Variants in CKS2 observed in about 807,000 individuals in gnomAD.
The protein encoded by CKS2 is CDC28 protein kinase regulatory subunit 2, also known as cyclin-dependent kinases regulatory subunit 2.
Under a neutral mutation model 14.3 loss-of-function variants are expected in CKS2, and 4 were observed. The observed-to-expected ratio is 0.28, with a 90% confidence interval of 0.14 to 0.64. The LOEUF (loss-of-function observed/expected upper bound fraction) is 0.64, where lower values mean the gene tolerates loss of function less well. Among genes scored for constraint, CKS2 ranks in the 30% least tolerant of loss-of-function variants. The pLI is 0.83. For synonymous variants in CKS2, 33 were observed against 28.7 expected (o/e 1.15, Z -0.48); for missense variants, 71 against 94.3 (o/e 0.75, Z 1.02).
At chr9:89,311,488 G>C (rs1213097008) in intron 1 of CKS2, 137 bp downstream of exon 1, 2 of 582,860 alleles carry the variant, frequency 3.4e-6, no homozygotes, top group Non-Finnish European at 5.6e-6. Context: ...CGAGGGCCGG[G>C]GTTTGGGGTC....
At position 89,314,688 on chromosome 9, in the gene CKS2, C is replaced by A. The variant is rs3211680; in HGVS notation, c.60-482C>A. Among the ~76,000 whole-genome samples the A allele has an allele frequency of 6.9e-3, 1,043 of 152,220 alleles. 15 individuals carry two copies. The highest frequency in any genetic ancestry group is 0.024 in the African/African-American group (989 of 41,540). ...AGTCAAGGACTAGGCTGGGTCCTTA[C>A]CTCTTGTTGCTTTACCGTTCTCAAT... On this transcript the variant is annotated intron_variant, in intron 1 of 2. Transcript: ENST00000314355.
At chr9:89,315,411 G>T in intron 2 of CKS2, 114 bp downstream of exon 2, 1 of 949,594 alleles carries the variant, frequency 1.1e-6, no homozygotes, top group Non-Finnish European at 1.4e-6. Context: ...TAACTGTTCT[G>T]ATAAGTTTTT....
In CKS2 at chr9:89,316,551, C is replaced by T; in HGVS notation, c.*126C>T. The T allele has an allele frequency of 1.7e-6, 1 of 584,728 alleles. No homozygotes were observed. The highest frequency in any genetic ancestry group is 3.0e-5 in the East Asian group (1 of 33,662). 36.2% of individuals were successfully genotyped at this position (584,728 alleles called of 1,614,324 possible). ...ATACCTGTGCATGAGCTGTATTCTT[C>T]ACAGCAACAGAGCTCAGTTAAATGC... On this transcript the variant is annotated 3_prime_UTR_variant, in exon 3 of 3. Coordinates refer to ENST00000314355, the MANE Select transcript of CKS2 (RefSeq NM_001827.3).
chr9:89,311,198 A>G lies in CKS2; in HGVS notation c.-95A>G. ...CCGGATCGTTGGGACTGCGGTCGTT[A>G]GTCTCCGGCGAGTTGTTGCCTGGGC... is the stretch of plus-strand genomic sequence containing the variant. On this transcript the variant is annotated 5_prime_UTR_variant, in exon 1 of 3. Coordinates refer to ENST00000314355, the MANE Select transcript of CKS2 (RefSeq NM_001827.3). The G allele has an allele frequency of 1.0e-6, 1 of 962,454 alleles. No individual in the cohort carries two copies. Among genetic ancestry groups the G allele is most frequent in the Non-Finnish European group, 1.6e-6 (1 of 618,056 alleles). 59.6% of individuals were successfully genotyped at this position (962,454 alleles called of 1,614,324 possible).
At position 89,315,234 on chromosome 9, in the gene CKS2, G is replaced by A; in HGVS notation, c.124G>A (p.Glu42Lys). The A allele has an allele frequency of 1.2e-6, 2 of 1,612,090 alleles. No individual in the cohort carries two copies. Among genetic ancestry groups the A allele is most frequent in the Non-Finnish European group, 1.7e-6 (2 of 1,178,864 alleles). Reference protein sequence around the residue: ...VPKTHLMSEEEWRRLGVQQSL... With the variant: ...VPKTHLMSEEKWRRLGVQQSL... ...TAAAACTCATCTGATGTCTGAAGAG[G>A]AGTGGAGGAGACTTGGTGTCCAACA... The change falls in exon 2 of 3, where the codon GAG (glutamate) becomes AAG (lysine). Residue 42 changes from glutamate (E) to lysine (K), a missense_variant. Physicochemically the swap from Glu to Lys is moderately conservative, Grantham distance 56. Coordinates refer to ENST00000314355, the MANE Select transcript of CKS2 (RefSeq NM_001827.3).
At chr9:89,312,078 T>A (rs1256716667) in intron 1 of CKS2, 1 of 152,674 alleles carries the variant, frequency 6.5e-6, no homozygotes, top group Non-Finnish European at 1.5e-5. Context: ...GAGTTTCATT[T>A]TAAGGCCGAT....
chr9:89,312,998 ATTTG>A (rs1183603060), intron 1 of CKS2, among the ~76,000 whole-genome samples: 6 of 152,208 alleles, frequency 3.9e-5, no homozygotes, highest in African/African-American at 1.4e-4. Context: ...TACTCAAATG[ATTTG>A]TGTGTGGTAA....
At chr9:89,313,032 A>AT (rs1260985343) in intron 1 of CKS2, among the ~76,000 whole-genome samples, 1 of 152,266 alleles carries the variant, frequency 6.6e-6, no homozygotes, top group Non-Finnish European at 1.5e-5. Flanking sequence ...GAAAGTTTAC[A>AT]TATCTGAAGT....
intron 1 of CKS2, among the ~76,000 whole-genome samples, chr9:89,314,290 T>C (rs1824669926): frequency 6.6e-6 from 1 of 152,202 alleles, no homozygotes; most frequent in Non-Finnish European, 1.5e-5. Context: ...TTTGATAGAA[T>C]GCTTTGGGAT....
chr9:89,313,724 G>GAGAAT (rs553215853), intron 1 of CKS2, among the ~76,000 whole-genome samples: 65 of 152,322 alleles, frequency 4.3e-4, no homozygotes, highest in Middle Eastern at 6.8e-3. Flanking sequence ...ATTTCTCTTT[G>GAGAAT]AGAATAATCA....
intron 1 of CKS2, among the ~76,000 whole-genome samples, chr9:89,313,177 C>G (rs937128683): frequency 7.2e-5 from 11 of 152,180 alleles, no homozygotes; most frequent in African/African-American, 2.4e-4. Context: ...AGGCATGAGT[C>G]TAGGGTGGTT....
At chr9:89,315,341 T>C (rs1824687272) in intron 2 of CKS2, 44 bp downstream of exon 2, 1 of 1,463,784 alleles carries the variant, frequency 6.8e-7, no homozygotes, top group African/African-American at 1.4e-5. Context: ...TGTTGAAATA[T>C]TGGTGGTTAT....
chr9:89,314,654 C>T (rs1002934467), intron 1 of CKS2, among the ~76,000 whole-genome samples: 1 of 152,166 alleles, frequency 6.6e-6, no homozygotes, highest in Non-Finnish European at 1.5e-5. Flanking sequence ...GCAGGGATAA[C>T]AGCTTTACAG....
chr9:89,313,598 G>A (rs777055757), intron 1 of CKS2, among the ~76,000 whole-genome samples: 31 of 152,216 alleles, frequency 2.0e-4, no homozygotes, highest in Non-Finnish European at 4.1e-4. Context: ...AAGAAACCCT[G>A]ATGGAGGAGA....
At chr9:89,315,431 G>A in intron 2 of CKS2, 134 bp downstream of exon 2, 1 of 632,482 alleles carries the variant, frequency 1.6e-6, no homozygotes, top group Non-Finnish European at 2.3e-6. Flanking sequence ...TTTTTTTAAT[G>A]ACTAATTTCT....
At position 89,311,258 on chromosome 9, in the gene CKS2, C is replaced by T. The variant is rs372028197; in HGVS notation, c.-35C>T. ...TTTTGTCTGCTGCGCCCGCTCTTCG[C>T]GCTCTCGTTTCATTTTCTGCAGCGC... On this transcript the variant is annotated 5_prime_UTR_variant, in exon 1 of 3. Coordinates refer to ENST00000314355, the MANE Select transcript of CKS2 (RefSeq NM_001827.3). 6.3e-7 allele frequency: 1 copy of T among 1,594,576 alleles called. No homozygotes were observed. The highest frequency in any genetic ancestry group is 1.1e-5 in the South Asian group (1 of 89,794).
chr9:89,311,568 T>C (rs1824609747), intron 1 of CKS2, among the ~76,000 whole-genome samples: 1 of 152,210 alleles, frequency 6.6e-6, no homozygotes, highest in South Asian at 2.1e-4. Context: ...GTTGGGCCTT[T>C]GTTCGGTGTG....
At chr9:89,314,408 A>G (rs926066713) in intron 1 of CKS2, among the ~76,000 whole-genome samples, 1 of 152,190 alleles carries the variant, frequency 6.6e-6, no homozygotes, top group Admixed American at 6.5e-5. Context: ...AAACTGAACA[A>G]TGTAAGTTTT....
At chr9:89,315,057 G>T in intron 1 of CKS2, 113 bp from the exon 2 acceptor site, 1 of 809,244 alleles carries the variant, frequency 1.2e-6, no homozygotes, top group Non-Finnish European at 1.8e-6. Flanking sequence ...CAGAATTAAA[G>T]GTAGTAGATT....
Sources: allele counts gnomAD v4.1 joint callset (sites outside exome capture counted in the v4.1 genomes callset), GRCh38; gene constraint gnomAD v4.1.1; transcripts MANE v1.5; gene names NCBI Gene and HGNC (gene_info 2026-07-23, HGNC 2026-07-21).